Variants in APAF1 observed in about 807,000 individuals in gnomAD.
APAF1 encodes apoptotic protease-activating factor 1.
Under a neutral mutation model 152.4 loss-of-function variants are expected in APAF1, and 91 were observed. The ratio of observed to expected loss-of-function variants is 0.60; its 90% confidence interval spans 0.50 to 0.71. The LOEUF is 0.71. Among genes scored for constraint, APAF1 ranks in the 30% least tolerant of loss-of-function variants. The pLI is 0.00. For synonymous variants in APAF1, 484 were observed against 494.1 expected (o/e 0.98, Z 0.27); for missense variants, 1,283 against 1,472.0 (o/e 0.87, Z 2.10).
At chr12:98,699,920 C>A (rs2097713569) in intron 17 of APAF1, among the ~76,000 whole-genome samples, 1 of 152,174 alleles carries the variant, frequency 6.6e-6, no homozygotes, top group South Asian at 2.1e-4. Context: ...ATGCTTTCTT[C>A]ATCACTCCTT....
At chr12:98,674,955 G>C (rs1260215824) in intron 12 of APAF1, among the ~76,000 whole-genome samples, 1 of 152,132 alleles carries the variant, frequency 6.6e-6, no homozygotes, top group African/African-American at 2.4e-5. Context: ...GGCTGAAATA[G>C]AATCTTAATA....
rs1265590841 is a variant in APAF1, at chr12:98,698,732, AC to A, written c.2305-675del. Among the ~76,000 whole-genome samples the A allele has an allele frequency of 2.0e-5, 3 of 152,068 alleles. No individual in the cohort carries two copies. In the East Asian group the frequency reaches 5.8e-4, roughly 30 times the overall value. On this transcript the variant is annotated intron_variant, in intron 16 of 26. Transcript: ENST00000551964. ...GGTTTGGGCATGGGCAGTCATTATC[AC>A]TCTGTGAGGCTGAGACACTGCTCAT...
chr12:98,677,372 G>C (rs1307316476), intron 12 of APAF1, 53 bp from the exon 13 acceptor site: 6 of 1,577,848 alleles, frequency 3.8e-6, no homozygotes, highest in Non-Finnish European at 5.2e-6. Flanking sequence ...AAAGAAAATA[G>C]TTACTTTTAC....
At chr12:98,726,691 G>A (rs987465216) in intron 25 of APAF1, 1 of 155,592 alleles carries the variant, frequency 6.4e-6, no homozygotes, top group African/African-American at 2.4e-5. Context: ...TTATGAGGCG[G>A]TGTTTCATTT....
At chr12:98,677,382 C>T (rs1392311059) in intron 12 of APAF1, 43 bp from the exon 13 acceptor site, 7 of 1,594,674 alleles carry the variant, frequency 4.4e-6, no homozygotes, top group Non-Finnish European at 6.0e-6. Flanking sequence ...GTTACTTTTA[C>T]TCTCATTTAT....
intron 4 of APAF1, among the ~76,000 whole-genome samples, chr12:98,656,368 C>T (rs2097657666): frequency 6.6e-6 from 1 of 152,180 alleles, no homozygotes; most frequent in Non-Finnish European, 1.5e-5. Flanking sequence ...TTCATAACTG[C>T]AAACTTACAC....
intron 12 of APAF1, among the ~76,000 whole-genome samples, chr12:98,673,445 A>C (rs545932379): frequency 1.2e-4 from 18 of 151,658 alleles, no homozygotes; most frequent in East Asian, 5.8e-4. Flanking sequence ...CAAAAAACAA[A>C]AAAAAAAAAA....
In APAF1 at chr12:98,699,416, T is replaced by C; in HGVS notation, c.2313T>C (p.Asp771=). 6.2e-7 allele frequency: 1 copy of C among 1,614,074 alleles called. No homozygotes were observed. Among genetic ancestry groups the C allele is most frequent in the Non-Finnish European group, 8.5e-7 (1 of 1,179,990 alleles). The change falls in exon 17 of 27, where the codon GAT becomes GAC. Residue 771 remains aspartate (D), a synonymous_variant. Transcript: ENST00000551964. ...CSADGTLKLW[D]ATSANERKSI... ...ATTACTTTAATTCAAAGCTTTGGGA[T>C]GCGACATCAGCAAATGAGAGGAAAA...
intron 5 of APAF1, among the ~76,000 whole-genome samples, chr12:98,661,454 C>T (rs1394719006): frequency 6.6e-6 from 1 of 151,896 alleles, no homozygotes; most frequent in African/African-American, 2.4e-5. Flanking sequence ...ATGTATGTGC[C>T]TAGAGTATTT....
intron 26 of APAF1, among the ~76,000 whole-genome samples, chr12:98,728,398 T>C (rs1204651928): frequency 6.6e-6 from 1 of 152,184 alleles, no homozygotes; most frequent in Non-Finnish European, 1.5e-5. Flanking sequence ...GAAAATGATT[T>C]TCTATGGAGG....
At chr12:98,683,116 T>C in intron 14 of APAF1, 27 bp from the exon 15 acceptor site, 2 of 1,591,402 alleles carry the variant, frequency 1.3e-6, no homozygotes, top group Non-Finnish European at 1.7e-6. Context: ...AATGGATATT[T>C]GTAAATTTTT....
At chr12:98,667,127 A>T (rs1425252462) in intron 9 of APAF1, among the ~76,000 whole-genome samples, 7 of 146,102 alleles carry the variant, frequency 4.8e-5, no homozygotes, top group African/African-American at 1.8e-4. Context: ...TTTTTTTTTG[A>T]GACAGGGTCT....
intron 4 of APAF1, among the ~76,000 whole-genome samples, chr12:98,650,510 T>G (rs530654088): frequency 6.6e-5 from 10 of 152,056 alleles, no homozygotes; most frequent in South Asian, 4.1e-4. Context: ...TTGTTTTTTT[T>G]TTTTTGATAT....
chr12:98,666,477 T>C, intron 9 of APAF1, 120 bp downstream of exon 9: 1 of 935,012 alleles, frequency 1.1e-6, no homozygotes, highest in African/African-American at 1.7e-5. Context: ...TAGCTTCCCC[T>C]AATATTAACA....
intron 11 of APAF1, 31 bp from the exon 12 acceptor site, chr12:98,671,502 TTG>T: frequency 6.3e-7 from 1 of 1,596,030 alleles, no homozygotes; most frequent in Non-Finnish European, 8.6e-7. Context: ...GTGGCTCTGA[TTG>T]TGTTTCTAAG....
intron 7 of APAF1, among the ~76,000 whole-genome samples, chr12:98,665,337 AATAAAG>A (rs1000441087): frequency 7.6e-6 from 1 of 132,046 alleles, no homozygotes; most frequent in South Asian, 2.3e-4. Context: ...ATTTTGACTT[AATAAAG>A]ATAATCAGGA....
At chr12:98,662,638 C>G (rs1230170378) in intron 6 of APAF1, 37 bp from the exon 7 acceptor site, 1 of 1,610,766 alleles carries the variant, frequency 6.2e-7, no homozygotes, top group South Asian at 1.1e-5. Context: ...TGTGACATAC[C>G]AAATTACTTA....
chr12:98,717,149 T>C (rs552615545), intron 22 of APAF1, among the ~76,000 whole-genome samples: 1 of 152,204 alleles, frequency 6.6e-6, no homozygotes, highest in East Asian at 1.9e-4. Context: ...ATTACAGGCA[T>C]GAGCCCCCGC....
rs1303695373 is a variant in APAF1 at position 98,734,637 on chromosome 12, T to C, written c.*2071T>C. 1 of 152,656 alleles carries C rather than the reference T, an allele frequency of 6.6e-6. No individual in the cohort carries two copies. The highest frequency in any genetic ancestry group is 1.5e-5 in the Non-Finnish European group (1 of 68,038). The allele number at this position is 152,656 out of a possible 1,614,324, so 9.5% of individuals were successfully genotyped here. A position where few individuals can be genotyped will look rare whatever the true frequency, so the allele number is the denominator to read the frequency against. Reference sequence around the variant, plus strand: ...ATTTAGCCTTTGATGGAATCATAAATACAGTGAATACAATCCTTTGCATTG... The same window carrying C: ...ATTTAGCCTTTGATGGAATCATAAACACAGTGAATACAATCCTTTGCATTG... On this transcript the variant is annotated 3_prime_UTR_variant, in exon 27 of 27. Coordinates refer to ENST00000551964, the MANE Select transcript of APAF1 (RefSeq NM_181861.2).
Sources: allele counts gnomAD v4.1 joint callset (sites outside exome capture counted in the v4.1 genomes callset), GRCh38; gene constraint gnomAD v4.1.1; transcripts MANE v1.5; gene names NCBI Gene and HGNC (gene_info 2026-07-23, HGNC 2026-07-21).